STK32B: variants seen among roughly 807,000 people sequenced by gnomAD.
STK32B encodes serine/threonine-protein kinase 32B.
STK32B carries 43 observed loss-of-function variants against 52.6 expected under a neutral mutation model. The ratio of observed to expected loss-of-function variants is 0.82; its 90% confidence interval spans 0.64 to 1.05. The LOEUF (loss-of-function observed/expected upper bound fraction) is 1.05, where lower values mean the gene tolerates loss of function less well. Among genes scored for constraint, STK32B ranks in the 50% least tolerant of loss-of-function variants. The probability of loss-of-function intolerance (pLI) is 0.00; values close to 1 mark genes in which losing one functional copy is unlikely to be tolerated. For missense variants in STK32B, 621 were observed against 534.6 expected, an observed-to-expected ratio of 1.16 and a Z score of -1.59; for synonymous variants, 238 against 204.3, an observed-to-expected ratio of 1.17 and a Z score of -1.41.
chr4:5,220,373 G>A (rs920923201), intron 3 of STK32B, among the ~76,000 whole-genome samples: 1 of 152,218 alleles, frequency 6.6e-6, no homozygotes, highest in African/African-American at 2.4e-5. Context: ...TCCTAGGACA[G>A]TGTGATGAGT....
chr4:5,069,271 C>T (rs1442030071), intron 1 of STK32B, among the ~76,000 whole-genome samples: 1 of 148,236 alleles, frequency 6.7e-6, no homozygotes, highest in African/African-American at 2.5e-5. Context: ...CGGCTCACTG[C>T]AAACTCCACC....
Position 5,168,290 on chromosome 4 carries a change from G to A in STK32B, c.109-9G>A. 1 of 1,606,274 alleles carries A rather than the reference G, an allele frequency of 6.2e-7. No individual in the cohort carries two copies. ...GGCCTGACTGTTCTCTCCTTTGGCT[G>A]TCGCTCAGGTATGCATCGTGCAGAA... On this transcript the variant is annotated splice_polypyrimidine_tract_variant and intron_variant, in intron 2 of 11. Transcript: ENST00000282908.
chr4:5,208,493 T>A (rs1722715189), intron 3 of STK32B, among the ~76,000 whole-genome samples: 1 of 152,204 alleles, frequency 6.6e-6, no homozygotes, highest in African/African-American at 2.4e-5. Context: ...TTCACATTAG[T>A]CATGAGAAGT....
chr4:5,197,870 A>G (rs1292205168), intron 3 of STK32B, among the ~76,000 whole-genome samples: 6 of 152,174 alleles, frequency 3.9e-5, no homozygotes, highest in East Asian at 3.8e-4. Flanking sequence ...ACATTATTCA[A>G]TTTATCAATA....
intron 9 of STK32B, among the ~76,000 whole-genome samples, chr4:5,461,643 G>A (rs909437741): frequency 6.6e-6 from 1 of 152,190 alleles, no homozygotes. Context: ...TGCTTAGCCA[G>A]TTCACCTGGT....
intron 3 of STK32B, among the ~76,000 whole-genome samples, chr4:5,182,085 T>C (rs1299949723): frequency 6.6e-6 from 1 of 152,246 alleles, no homozygotes; most frequent in Non-Finnish European, 1.5e-5. Context: ...GCAGCTTCCA[T>C]CTTCAGAAAC....
intron 7 of STK32B, among the ~76,000 whole-genome samples, chr4:5,452,261 G>A (rs1240262228): frequency 2.0e-5 from 3 of 152,154 alleles, no homozygotes; most frequent in African/African-American, 7.2e-5. Flanking sequence ...AAGGTTGAGG[G>A]TACAGAGAGG....
intron 3 of STK32B, among the ~76,000 whole-genome samples, chr4:5,258,175 G>A (rs1252131408): frequency 6.6e-6 from 1 of 152,100 alleles, no homozygotes; most frequent in Non-Finnish European, 1.5e-5. Context: ...AGTGTTGTGA[G>A]GATCAAGTCA....
intron 2 of STK32B, among the ~76,000 whole-genome samples, chr4:5,147,710 T>C (rs974272685): frequency 6.6e-6 from 1 of 152,084 alleles, no homozygotes; most frequent in Non-Finnish European, 1.5e-5. Context: ...GTTACTATGC[T>C]AAATTACATT....
chr4:5,364,180 C>A (rs534301739), intron 4 of STK32B, among the ~76,000 whole-genome samples: 11 of 152,314 alleles, frequency 7.2e-5, no homozygotes, highest in Admixed American at 1.3e-4. Context: ...TCTCACTTTT[C>A]CCACTGGTGC....
At chr4:5,468,122 A>G (rs748295023) in intron 11 of STK32B, 52 bp downstream of exon 11, 23 of 1,591,048 alleles carry the variant, frequency 1.4e-5, no homozygotes, top group Non-Finnish European at 1.9e-5. Context: ...AAGTGACCCA[A>G]GGTCCTCCTG....
At chr4:5,132,954 A>G (rs1282478250) in intron 1 of STK32B, among the ~76,000 whole-genome samples, 1 of 150,850 alleles carries the variant, frequency 6.6e-6, no homozygotes, top group Non-Finnish European at 1.5e-5. Flanking sequence ...ATGCACCACC[A>G]CTCCTGGCTA....
At chr4:5,286,982 G>A (rs1423508743) in intron 3 of STK32B, among the ~76,000 whole-genome samples, 1 of 151,952 alleles carries the variant, frequency 6.6e-6, no homozygotes, top group Non-Finnish European at 1.5e-5. Flanking sequence ...ATTTTTAGTA[G>A]AGACAGGGTT....
intron 3 of STK32B, among the ~76,000 whole-genome samples, chr4:5,281,171 C>T (rs1358955721): frequency 6.6e-6 from 1 of 151,994 alleles, no homozygotes; most frequent in East Asian, 1.9e-4. Context: ...ATCATGAGAA[C>T]AGCAAGGGGG....
chr4:5,237,223 A>T (rs1724697038), intron 3 of STK32B, among the ~76,000 whole-genome samples: 1 of 152,104 alleles, frequency 6.6e-6, no homozygotes, highest in Non-Finnish European at 1.5e-5. Context: ...ACTCCCTGTG[A>T]TGGGAGGGAG....
chr4:5,272,023 C>A (rs1382269453), intron 3 of STK32B, among the ~76,000 whole-genome samples: 1 of 148,200 alleles, frequency 6.7e-6, no homozygotes, highest in Non-Finnish European at 1.5e-5. Context: ...TTGCCCTGGC[C>A]AGAACTTCCA....
At chr4:5,169,695 ATTGT>A (rs1291117945) in intron 3 of STK32B, among the ~76,000 whole-genome samples, 1 of 151,870 alleles carries the variant, frequency 6.6e-6, no homozygotes, top group Non-Finnish European at 1.5e-5. Context: ...AAAAACTTTG[ATTGT>A]TTGGGAGAAA....
At chr4:5,234,625 T>C (rs1724504919) in intron 3 of STK32B, among the ~76,000 whole-genome samples, 1 of 152,266 alleles carries the variant, frequency 6.6e-6, no homozygotes, top group Non-Finnish European at 1.5e-5. Flanking sequence ...GGATATGGGA[T>C]AAAATGATTC....
intron 3 of STK32B, among the ~76,000 whole-genome samples, chr4:5,283,162 C>T (rs981461112): frequency 1.3e-5 from 2 of 152,064 alleles, no homozygotes; most frequent in Non-Finnish European, 2.9e-5. Flanking sequence ...TAAGTGAGAT[C>T]GTGTGGTATT....
Sources: gnomAD v4.1 joint callset for allele counts (sites outside exome capture counted in the v4.1 genomes callset) on GRCh38, gnomAD v4.1.1 for gene constraint, MANE v1.5 for transcripts, NCBI Gene and HGNC (gene_info 2026-07-23, HGNC 2026-07-21) for gene names.